Variants in IL1RAPL2 observed in about 807,000 individuals in gnomAD.
IL1RAPL2 encodes interleukin 1 receptor accessory protein like 2, also known as X-linked interleukin-1 receptor accessory protein-like 2.
In IL1RAPL2, 3 loss-of-function variants were observed where a neutral mutation model predicts 44.1. The ratio of observed to expected loss-of-function variants is 0.07; its 90% CI spans 0.03 to 0.18. The LOEUF is 0.18. IL1RAPL2 is among the 10% of genes least tolerant of loss of function. The probability of loss-of-function intolerance (pLI) is 1.00; values close to 1 mark genes in which losing one functional copy is unlikely to be tolerated. For missense variants in IL1RAPL2, 391 were observed against 496.4 expected, an observed-to-expected ratio of 0.79 and a Z score of 2.02; for synonymous variants, 181 against 178.8, an observed-to-expected ratio of 1.01 and a Z score of -0.10.
intron 2 of IL1RAPL2, among the ~76,000 whole-genome samples, chrX:105,114,264 A>G (rs1262920682): frequency 1.8e-5 from 2 of 111,858 alleles, no homozygotes; most frequent in African/African-American, 3.3e-5. Flanking sequence ...TCATCAGACA[A>G]TGAATCTGCT....
At chrX:104,620,311 C>T (rs1407462934) in intron 1 of IL1RAPL2, among the ~76,000 whole-genome samples, 1 of 103,348 alleles carries the variant, frequency 9.7e-6, no homozygotes, top group East Asian at 3.3e-4. Context: ...ACCACCTGTT[C>T]CCCCAAAACT....
rs1201768617 is a variant in IL1RAPL2, at chrX:105,046,049, AG to A, written c.83-149424del. ...TCTTTCATGAAATTAGATATTACTT[AG>A]GAAGAGAAAACATTAAGACTTCCAG... is the stretch of plus-strand genomic sequence containing the variant. On this transcript the variant is annotated intron_variant, in intron 2 of 10. Transcript: ENST00000372582. 3.6e-5 allele frequency among the ~76,000 whole-genome samples: 4 copies of A among 111,785 alleles called. No homozygotes were observed. The Admixed American group carries it at 3.8e-4, about 11-fold the overall frequency.
intron 4 of IL1RAPL2, among the ~76,000 whole-genome samples, chrX:105,258,848 T>C (rs928829109): frequency 1.8e-5 from 2 of 112,064 alleles, no homozygotes; most frequent in African/African-American, 6.5e-5. Flanking sequence ...TGTGATTTTT[T>C]CCCTTGGATT....
intron 6 of IL1RAPL2, among the ~76,000 whole-genome samples, chrX:105,487,063 G>C (rs1314319872): frequency 2.1e-5 from 2 of 93,686 alleles, no homozygotes; most frequent in Non-Finnish European, 4.1e-5. Context: ...CTGCACTCCA[G>C]CCTGGGTGAC....
At chrX:105,079,615 G>T (rs1267507005) in intron 2 of IL1RAPL2, among the ~76,000 whole-genome samples, 1 of 108,643 alleles carries the variant, frequency 9.2e-6, no homozygotes, top group Admixed American at 9.8e-5. Context: ...GGGCATTTGG[G>T]TTGGTTCCAA....
At chrX:104,761,864 C>T (rs1602715242) in intron 2 of IL1RAPL2, among the ~76,000 whole-genome samples, 1 of 38,952 alleles carries the variant, frequency 2.6e-5, no homozygotes, top group Admixed American at 3.3e-4. Flanking sequence ...TCTCCTTCTC[C>T]TTCTCCTTCT....
At chrX:105,145,218 A>G (rs991279549) in intron 2 of IL1RAPL2, among the ~76,000 whole-genome samples, 19 of 112,088 alleles carry the variant, frequency 1.7e-4, no homozygotes, top group African/African-American at 5.5e-4. Context: ...AGTGACCACT[A>G]TTTTAGATAT....
intron 5 of IL1RAPL2, among the ~76,000 whole-genome samples, chrX:105,383,302 C>T (rs191660035): frequency 3.7e-3 from 407 of 111,199 alleles, no homozygotes; most frequent in Non-Finnish European, 6.0e-3. Flanking sequence ...ATTCTATTCT[C>T]TATCTACATG....
chrX:104,777,000 C>T (rs968389762), intron 2 of IL1RAPL2, among the ~76,000 whole-genome samples: 1 of 111,394 alleles, frequency 9.0e-6, no homozygotes, highest in Non-Finnish European at 1.9e-5. Context: ...ACTTCTCAGA[C>T]TTTTCTTATT....
chrX:104,778,579 AT>A (rs1932753631), intron 2 of IL1RAPL2, among the ~76,000 whole-genome samples: 1 of 105,642 alleles, frequency 9.5e-6, no homozygotes, highest in African/African-American at 3.4e-5. Context: ...ATATATATAT[AT>A]ATAAATATAT....
At chrX:104,626,451 A>G (rs1378863383) in intron 1 of IL1RAPL2, among the ~76,000 whole-genome samples, 2 of 110,522 alleles carry the variant, frequency 1.8e-5, no homozygotes, top group Non-Finnish European at 3.8e-5. Context: ...GGTAGCCCCA[A>G]ATAAATATGA....
chrX:104,853,917 A>G (rs1481091365), intron 2 of IL1RAPL2, among the ~76,000 whole-genome samples: 1 of 109,289 alleles, frequency 9.2e-6, no homozygotes, highest in African/African-American at 3.3e-5. Context: ...AAAAAAAAAA[A>G]AAAAAAGAGT....
chrX:105,601,480 C>T (rs147311536), intron 6 of IL1RAPL2, among the ~76,000 whole-genome samples: 3,054 of 110,778 alleles, frequency 0.028, 72 homozygotes, highest in Admixed American at 0.1. Flanking sequence ...AGCCAGGATT[C>T]GCTTGGAGCC....
chrX:104,566,629 A>C lies in IL1RAPL2; in HGVS notation c.-442A>C, dbSNP rs1602622986. The stretch of plus-strand genomic sequence containing the variant: ...CTGGGGCAAGGCTGCTCCGAAGCGA[A>C]GTCGCGCAAAAGGAAGAGTCTGGGA... On this transcript the variant is annotated 5_prime_UTR_variant, in exon 1 of 11. Coordinates refer to ENST00000372582, the MANE Select transcript of IL1RAPL2 (RefSeq NM_017416.2). 1 of 113,277 alleles carries C rather than the reference A, an allele frequency of 8.8e-6. No homozygotes were observed. The highest frequency in any genetic ancestry group is 2.8e-4 in the East Asian group (1 of 3,562). 9.3% of individuals were successfully genotyped at this position (113,277 alleles called of 1,213,427 possible).
chrX:105,722,848 G>A (rs2038317697), intron 7 of IL1RAPL2, among the ~76,000 whole-genome samples: 1 of 110,974 alleles, frequency 9.0e-6, no homozygotes, highest in African/African-American at 3.3e-5. Context: ...GTGATGGCTG[G>A]GGTAGCCCTG....
intron 1 of IL1RAPL2, among the ~76,000 whole-genome samples, chrX:104,611,427 G>T (rs1371424545): frequency 9.0e-6 from 1 of 110,881 alleles, no homozygotes; most frequent in African/African-American, 3.3e-5. Flanking sequence ...GAACTTCCTG[G>T]CAGCTTTCTT....
chrX:104,895,686 C>T (rs751313292), intron 2 of IL1RAPL2, among the ~76,000 whole-genome samples: 8 of 111,936 alleles, frequency 7.1e-5, no homozygotes, highest in Non-Finnish European at 1.1e-4. Flanking sequence ...TGTCTGTCAC[C>T]GCTTCCCTTG....
At chrX:104,766,992 C>G (rs892408766) in intron 2 of IL1RAPL2, among the ~76,000 whole-genome samples, 1 of 111,967 alleles carries the variant, frequency 8.9e-6, no homozygotes, top group Non-Finnish European at 1.9e-5. Context: ...GTGACCTTGG[C>G]AGATATTTGG....
At chrX:105,240,837 A>C (rs1489482151) in intron 4 of IL1RAPL2, among the ~76,000 whole-genome samples, 5 of 112,034 alleles carry the variant, frequency 4.5e-5, no homozygotes, top group Non-Finnish European at 9.4e-5. Context: ...GTTAATGATT[A>C]TTTCTGGCTG....
Sources: gnomAD v4.1 joint callset for allele counts (sites outside exome capture counted in the v4.1 genomes callset) on GRCh38, gnomAD v4.1.1 for gene constraint, MANE v1.5 for transcripts, NCBI Gene and HGNC (gene_info 2026-07-23, HGNC 2026-07-21) for gene names.